Variants in SAMD12 observed in about 807,000 individuals in gnomAD.
The protein encoded by SAMD12 is sterile alpha motif domain containing 12.
A neutral mutation model predicts 15.0 loss-of-function variants in SAMD12; 9 were observed. That is an observed-to-expected ratio of 0.60 (90% CI 0.36 to 1.05). The LOEUF (loss-of-function observed/expected upper bound fraction) is 1.05, where lower values mean the gene tolerates loss of function less well. SAMD12 is among the 50% of genes least tolerant of loss of function. The pLI is 0.01. For synonymous variants in SAMD12, 86 were observed against 90.1 expected, an observed-to-expected ratio of 0.96 and a Z score of 0.25; for missense variants, 230 against 234.2, an observed-to-expected ratio of 0.98 and a Z score of 0.12.
chr8:118,200,000 C>T (rs1249939012), intron 4 of SAMD12, among the ~76,000 whole-genome samples: 1 of 152,104 alleles, frequency 6.6e-6, no homozygotes, highest in Non-Finnish European at 1.5e-5. Context: ...ACCATGGGGG[C>T]AGTTTCCCCC....
At chr8:118,544,623 T>C (rs1826073778) in intron 2 of SAMD12, among the ~76,000 whole-genome samples, 1 of 152,194 alleles carries the variant, frequency 6.6e-6, no homozygotes, top group Non-Finnish European at 1.5e-5. Context: ...ATAGACATTA[T>C]AGAGACCCAA....
chr8:118,364,603 C>T (rs1389849581), intron 4 of SAMD12, among the ~76,000 whole-genome samples: 1 of 152,152 alleles, frequency 6.6e-6, no homozygotes, highest in East Asian at 1.9e-4. Context: ...CTTTCACATG[C>T]ACAGAAGTCA....
At chr8:118,583,389 T>C (rs985779250) in intron 1 of SAMD12, among the ~76,000 whole-genome samples, 4 of 152,228 alleles carry the variant, frequency 2.6e-5, no homozygotes, top group Non-Finnish European at 5.9e-5. Flanking sequence ...AAAGTTGTGA[T>C]TATTTTTAAA....
chr8:118,360,197 C>A (rs962329436), intron 4 of SAMD12, among the ~76,000 whole-genome samples: 2 of 152,082 alleles, frequency 1.3e-5, no homozygotes, highest in African/African-American at 4.8e-5. Flanking sequence ...GGATGGGCTC[C>A]CTGGAGTCTA....
intron 2 of SAMD12, among the ~76,000 whole-genome samples, chr8:118,572,199 T>G (rs1827030621): frequency 6.6e-6 from 1 of 152,220 alleles, no homozygotes; most frequent in Non-Finnish European, 1.5e-5. Context: ...GCTTCTTTGT[T>G]TTGGCCAATT....
At chr8:118,587,469 G>A (rs1015247616) in intron 1 of SAMD12, among the ~76,000 whole-genome samples, 25 of 152,094 alleles carry the variant, frequency 1.6e-4, no homozygotes, top group African/African-American at 6.0e-4. Context: ...TGGCTACAAC[G>A]CCAATAGCAA....
intron 3 of SAMD12, among the ~76,000 whole-genome samples, chr8:118,386,706 T>G (rs1819982393): frequency 6.6e-6 from 1 of 152,212 alleles, no homozygotes; most frequent in Non-Finnish European, 1.5e-5. Context: ...TCTCCGACTT[T>G]CAAGCCCAGC....
chr8:118,173,487 G>A, the SAMD12 span, among the ~76,000 whole-genome samples: 1 of 151,644 alleles, frequency 6.6e-6, no homozygotes, highest in Non-Finnish European at 1.5e-5. Flanking sequence ...TTTTAGACAA[G>A]CAGCCTCTGT....
At chr8:118,561,842 T>C (rs1444277706) in intron 2 of SAMD12, among the ~76,000 whole-genome samples, 2 of 152,208 alleles carry the variant, frequency 1.3e-5, no homozygotes, top group African/African-American at 4.8e-5. Context: ...ACTCTCAACC[T>C]GACTAGAGGT....
intron 2 of SAMD12, among the ~76,000 whole-genome samples, chr8:118,576,745 C>T (rs894301604): frequency 1.3e-5 from 2 of 152,088 alleles, no homozygotes; most frequent in Non-Finnish European, 2.9e-5. Context: ...GGAGCTGTGG[C>T]TTTGTCTTGA....
intron 4 of SAMD12, among the ~76,000 whole-genome samples, chr8:118,305,936 G>A (rs1017618743): frequency 2.6e-5 from 4 of 152,072 alleles, no homozygotes; most frequent in African/African-American, 7.2e-5. Flanking sequence ...TTCTGGTGGC[G>A]TCTTTGGCAG....
At chr8:118,344,419 T>C (rs1164423871) in intron 4 of SAMD12, among the ~76,000 whole-genome samples, 5 of 152,218 alleles carry the variant, frequency 3.3e-5, no homozygotes, top group African/African-American at 1.2e-4. Flanking sequence ...CTTTATAAAC[T>C]TTATCAAAGT....
At chr8:118,267,750 G>A (rs1211894626) in intron 4 of SAMD12, among the ~76,000 whole-genome samples, 1 of 151,148 alleles carries the variant, frequency 6.6e-6, no homozygotes, top group East Asian at 1.9e-4. Context: ...AAGATATACA[G>A]GCTTACAGTT....
chr8:118,599,833 C>T (rs1827815775), intron 1 of SAMD12, among the ~76,000 whole-genome samples: 2 of 152,080 alleles, frequency 1.3e-5, no homozygotes, highest in South Asian at 4.1e-4. Context: ...GCAGGAACTG[C>T]TACAGCAATC....
chr8:118,358,953 CACTT>C (rs1166613631), intron 4 of SAMD12, among the ~76,000 whole-genome samples: 1 of 151,980 alleles, frequency 6.6e-6, no homozygotes, highest in African/African-American at 2.4e-5. Context: ...TTAAAGAAAA[CACTT>C]AAGTAGTAGT....
intron 2 of SAMD12, among the ~76,000 whole-genome samples, chr8:118,512,763 G>C (rs1284071941): frequency 6.6e-6 from 1 of 152,156 alleles, no homozygotes; most frequent in Non-Finnish European, 1.5e-5. Flanking sequence ...CATTGCTCAT[G>C]TCATTCTTTT....
chr8:118,311,867 C>A (rs1302110046), intron 4 of SAMD12, among the ~76,000 whole-genome samples: 1 of 152,152 alleles, frequency 6.6e-6, no homozygotes, highest in Non-Finnish European at 1.5e-5. Flanking sequence ...CCCTTAAACA[C>A]CTCCAATCAT....
chr8:118,280,703 C>T (rs1343384036), intron 4 of SAMD12, among the ~76,000 whole-genome samples: 1 of 152,176 alleles, frequency 6.6e-6, no homozygotes, highest in Non-Finnish European at 1.5e-5. Flanking sequence ...TTGAGCCTAG[C>T]TTCCAGGGAA....
chr8:118,160,585 A>T, the SAMD12 span, among the ~76,000 whole-genome samples: 1 of 152,242 alleles, frequency 6.6e-6, no homozygotes, highest in Non-Finnish European at 1.5e-5. Context: ...AAGTGAGGAA[A>T]GAGTTTCATT....
Sources: allele counts gnomAD v4.1 joint callset (sites outside exome capture counted in the v4.1 genomes callset), GRCh38; gene constraint gnomAD v4.1.1; transcripts MANE v1.5; gene names NCBI Gene and HGNC (gene_info 2026-07-23, HGNC 2026-07-21).